IRF2: variants seen among roughly 807,000 people sequenced by gnomAD.
The protein encoded by IRF2 is interferon regulatory factor 2.
Under a neutral mutation model 40.6 loss-of-function variants are expected in IRF2, and 15 were observed. The ratio of observed to expected loss-of-function variants is 0.37; its 90% CI spans 0.25 to 0.57. The LOEUF is 0.57. IRF2 is among the 20% of genes least tolerant of loss of function. IRF2 has a pLI of 0.77. For missense variants in IRF2, 317 were observed against 455.7 expected, an observed-to-expected ratio of 0.70 and a Z score of 2.77; for synonymous variants, 151 against 165.5, an observed-to-expected ratio of 0.91 and a Z score of 0.67.
At chr4:184,419,776 T>G (rs1225081042) in intron 2 of IRF2, among the ~76,000 whole-genome samples, 2 of 152,150 alleles carry the variant, frequency 1.3e-5, no homozygotes, top group Admixed American at 1.3e-4. Context: ...TGACAGTCAG[T>G]CTCGTGAAGT....
chr4:184,402,475 T>C (rs1269614972), intron 6 of IRF2, among the ~76,000 whole-genome samples: 2 of 152,128 alleles, frequency 1.3e-5, no homozygotes, highest in African/African-American at 2.4e-5. Context: ...TAACGCTATA[T>C]ACCCGTATGG....
chr4:184,411,059 C>G (rs1176901722), intron 5 of IRF2, among the ~76,000 whole-genome samples: 1 of 141,416 alleles, frequency 7.1e-6, no homozygotes, highest in Non-Finnish European at 1.5e-5. Flanking sequence ...TCTCTCCACA[C>G]TTTTTTTTTT....
At chr4:184,436,046 G>A (rs1260864089) in intron 1 of IRF2, among the ~76,000 whole-genome samples, 1 of 150,032 alleles carries the variant, frequency 6.7e-6, no homozygotes. Flanking sequence ...GCTCGAACTC[G>A]ACTCACTGCA....
In IRF2 at chr4:184,405,158, C is replaced by T. The variant is rs182239210; in HGVS notation, c.529+3000G>A. ...ACTTGGGAGGCTGAGGCAGGAGAAT[C>T]GCTTGAACCCAGGAGGCGGAGGTTG... On this transcript the variant is annotated intron_variant, in intron 6 of 8. Transcript: ENST00000393593. Among the ~76,000 whole-genome samples, 375 of 152,246 alleles carry T rather than the reference C, an allele frequency of 2.5e-3. 1 individual carries two copies. Among genetic ancestry groups the T allele is most frequent in the African/African-American group, 8.8e-3 (367 of 41,570 alleles).
chr4:184,436,249 A>T (rs1444763654), intron 1 of IRF2, among the ~76,000 whole-genome samples: 1 of 152,198 alleles, frequency 6.6e-6, no homozygotes, highest in Admixed American at 6.5e-5. Context: ...TGCTGGGATT[A>T]CAGGCGTGAG....
intron 2 of IRF2, among the ~76,000 whole-genome samples, chr4:184,422,870 TG>T (rs1451098589): frequency 6.6e-6 from 1 of 152,240 alleles, no homozygotes; most frequent in East Asian, 1.9e-4. Context: ...TAAAAAGTTC[TG>T]GAACTGGACA....
intron 7 of IRF2, among the ~76,000 whole-genome samples, chr4:184,395,367 C>T (rs532909218): frequency 1.7e-4 from 23 of 133,356 alleles, no homozygotes; most frequent in African/African-American, 5.6e-4. Context: ...GAGCCGAGAT[C>T]GCACCACTGC....
intron 1 of IRF2, among the ~76,000 whole-genome samples, chr4:184,445,124 T>G (rs901520275): frequency 1.1e-4 from 16 of 152,138 alleles, no homozygotes; most frequent in African/African-American, 3.9e-4. Context: ...CTTACAGAAC[T>G]CAGAGCATGC....
At chr4:184,422,437 T>C (rs771700069) in intron 2 of IRF2, among the ~76,000 whole-genome samples, 1 of 152,194 alleles carries the variant, frequency 6.6e-6, no homozygotes, top group Non-Finnish European at 1.5e-5. Flanking sequence ...CACCTGGATA[T>C]ATACCCAAAG....
intron 7 of IRF2, among the ~76,000 whole-genome samples, chr4:184,395,583 T>C (rs1298195523): frequency 2.0e-5 from 3 of 152,230 alleles, no homozygotes; most frequent in East Asian, 1.9e-4. Flanking sequence ...CAGCATGTTA[T>C]ACAATTTCTG....
At chr4:184,389,103 C>T (rs1370771540) in intron 8 of IRF2, 37 bp from the exon 9 acceptor site, 1 of 1,596,754 alleles carries the variant, frequency 6.3e-7, no homozygotes, top group Non-Finnish European at 8.6e-7. Context: ...ATTTCCTTCT[C>T]CTTCTATTGG....
intron 1 of IRF2, among the ~76,000 whole-genome samples, chr4:184,447,246 A>G (rs1579097953): frequency 1.3e-5 from 2 of 152,174 alleles, no homozygotes; most frequent in African/African-American, 4.8e-5. Context: ...AAGTCACAGA[A>G]CCCAACCTGA....
chr4:184,416,328 CA>C (rs35274774), intron 5 of IRF2, among the ~76,000 whole-genome samples: 38,866 of 99,594 alleles, frequency 0.39, 2,922 homozygotes, highest in Admixed American at 0.44. Context: ...AAAAAAAAAA[CA>C]AAAAAAAAAA....
chr4:184,415,576 T>C (rs1036104276), intron 5 of IRF2, among the ~76,000 whole-genome samples: 2 of 152,194 alleles, frequency 1.3e-5, no homozygotes, highest in African/African-American at 4.8e-5. Flanking sequence ...TTTCAATCCA[T>C]TACGTGTCAT....
At position 184,398,901 on chromosome 4, in the gene IRF2, C is replaced by T. The variant is rs1159687138; in HGVS notation, c.694+14G>A. 1 of 1,576,072 alleles carries T rather than the reference C, an allele frequency of 6.3e-7. No individual in the cohort carries two copies. The highest frequency in any genetic ancestry group is 2.3e-5 in the East Asian group (1 of 44,184). On this transcript the variant is annotated intron_variant, in intron 7 of 8. Transcript: ENST00000393593. ...CGGTTCCCACGCCTCCCGGAGCCTC[C>T]CGCTGACGCTTACCTGCATAGGAAG...
At chr4:184,443,816 A>C (rs1280011606) in intron 1 of IRF2, among the ~76,000 whole-genome samples, 1 of 152,152 alleles carries the variant, frequency 6.6e-6, no homozygotes, top group Admixed American at 6.5e-5. Flanking sequence ...CCATCCCAGA[A>C]AGCTTTCCCT....
At chr4:184,466,240 G>A (rs1279571729) in intron 1 of IRF2, among the ~76,000 whole-genome samples, 5 of 151,950 alleles carry the variant, frequency 3.3e-5, no homozygotes, top group African/African-American at 7.2e-5. Context: ...TAGTAGAGAC[G>A]GGGTTTCACC....
intron 1 of IRF2, among the ~76,000 whole-genome samples, chr4:184,436,109 T>C (rs866753080): frequency 1.1e-4 from 17 of 152,064 alleles, no homozygotes; most frequent in African/African-American, 3.9e-4. Flanking sequence ...CCGGAGTAGC[T>C]GGGACTACAG....
chr4:184,411,533 C>T (rs1379495116), intron 5 of IRF2, among the ~76,000 whole-genome samples: 1 of 152,190 alleles, frequency 6.6e-6, no homozygotes, highest in African/African-American at 2.4e-5. Context: ...ATCTCACTGA[C>T]ACCGTCACTC....
Sources: allele counts gnomAD v4.1 joint callset (sites outside exome capture counted in the v4.1 genomes callset), GRCh38; gene constraint gnomAD v4.1.1; transcripts MANE v1.5; gene names NCBI Gene and HGNC (gene_info 2026-07-23, HGNC 2026-07-21).